Variants in IL17RC observed in about 807,000 individuals in gnomAD.
IL17RC encodes the protein interleukin-17 receptor C.
Under a neutral mutation model 86.7 loss-of-function variants are expected in IL17RC, and 53 were observed. The ratio of observed to expected loss-of-function variants is 0.61; its 90% CI spans 0.49 to 0.77. The LOEUF is 0.77. Ranked by LOEUF, IL17RC falls within the 30% of genes least tolerant of loss-of-function variation. IL17RC has a pLI of 0.00. For missense variants in IL17RC, 957 were observed against 940.0 expected (o/e 1.02, Z -0.24); for synonymous variants, 439 against 413.1 (o/e 1.06, Z -0.76).
At position 9,929,904 on chromosome 3, in the gene IL17RC, T is replaced by C; in HGVS notation, c.1156+7T>C. ...CAGGAGTGCTTGTGGGCTGGTGAGT[T>C]GGGCCTGGGGGCAGCTGGGGCAGGG... On this transcript the variant is annotated splice_region_variant and intron_variant, in intron 13 of 18. Transcript: ENST00000403601. The C allele has an allele frequency of 6.2e-7, 1 of 1,614,054 alleles. No individual in the cohort carries two copies. The highest frequency in any genetic ancestry group is 1.1e-5 in the South Asian group (1 of 91,080).
rs111686823 is a variant in IL17RC, at chr3:9,923,549, C to CA, written c.623-320dup. 4.1e-3 allele frequency among the ~76,000 whole-genome samples: 553 copies of CA among 135,296 alleles called. 1 individual carries two copies. Among genetic ancestry groups the CA allele is most frequent in the East Asian group, 0.02 (96 of 4,788 alleles). 88.8% of individuals were successfully genotyped at this position (135,296 alleles called of 152,430 possible). A position where few individuals can be genotyped will look rare whatever the true frequency, so the allele number is the denominator to read the frequency against. On this transcript the variant is annotated intron_variant, in intron 7 of 18. Transcript: ENST00000403601. ...TGGGCAACAGAGCAAGACTCCCTCT[C>CA]AAAAAAAAAAAAGGACACAAGTATC... is the stretch of plus-strand genomic sequence containing the variant.
chr3:9,933,395 G>T lies in IL17RC; in HGVS notation c.1965G>T (p.Leu655=). 6.2e-7 allele frequency: 1 copy of T among 1,613,186 alleles called. No homozygotes were observed. Among genetic ancestry groups the T allele is most frequent in the Non-Finnish European group, 8.5e-7 (1 of 1,179,770 alleles). Reference sequence around the variant, plus strand: ...TCCGCACCGTGCCCGTCTTCACACTGCCCTCCCAACTGCCAGACTTCCTGG... The same window carrying T: ...TCCGCACCGTGCCCGTCTTCACACTTCCCTCCCAACTGCCAGACTTCCTGG... The part of the protein sequence containing the change: ...ALFRTVPVFT[L]PSQLPDFLGA... The change falls in exon 19 of 19, where the codon CTG becomes CTT. Residue 655 remains leucine, a synonymous_variant. Coordinates refer to ENST00000403601, the MANE Select transcript of IL17RC (RefSeq NM_153460.4).
chr3:9,920,527 G>A lies in IL17RC; in HGVS notation c.502G>A (p.Gly168Arg). 1 of 1,607,340 alleles carries A rather than the reference G, an allele frequency of 6.2e-7. No homozygotes were observed. Among genetic ancestry groups the A allele is most frequent in the Non-Finnish European group, 8.5e-7 (1 of 1,176,268 alleles). ...ATATGACTGCTTCGAGGCTGCCCTA[G>A]GGAGTGAGGTACGAATCTGGTCCTA... ...VVYDCFEAAL[G>R]SEVRIWSYTQ... Residue 168 changes from glycine (G) to arginine (R), a missense_variant, in exon 6 of 19, where the codon GGG (glycine) becomes AGG (arginine). Coordinates refer to ENST00000403601, the MANE Select transcript of IL17RC (RefSeq NM_153460.4).
intron 16 of IL17RC, among the ~76,000 whole-genome samples, chr3:9,931,754 G>A (rs577305083): frequency 8.3e-4 from 125 of 151,222 alleles, no homozygotes; most frequent in African/African-American, 2.7e-3. Context: ...ATCCGCCCGC[G>A]TCGGCCTCCC....
chr3:9,927,906 A>G (rs1286192427), intron 9 of IL17RC, among the ~76,000 whole-genome samples: 3 of 151,742 alleles, frequency 2.0e-5, no homozygotes, highest in Non-Finnish European at 4.4e-5. Context: ...CCAAGATTGC[A>G]CCACTGCACT....
chr3:9,919,107 A>T (rs993598362), intron 5 of IL17RC: 1 of 152,586 alleles, frequency 6.6e-6, no homozygotes, highest in African/African-American at 2.4e-5. Flanking sequence ...GGCCTTGCTA[A>T]TCTTTTCTGT....
chr3:9,921,917 G>A (rs1470768726), intron 7 of IL17RC, among the ~76,000 whole-genome samples: 5 of 140,744 alleles, frequency 3.6e-5, no homozygotes, highest in East Asian at 2.1e-4. Flanking sequence ...GAGCCACCAC[G>A]CCCAGCCAAA....
intron 16 of IL17RC, 149 bp from the exon 17 acceptor site, chr3:9,932,459 C>T: frequency 1.3e-6 from 1 of 755,592 alleles, no homozygotes; most frequent in South Asian, 1.4e-5. Flanking sequence ...ATGTCCTGAC[C>T]TCGTGATCTG....
Position 9,928,324 on chromosome 3 carries a change from C to T in IL17RC, c.897C>T (p.Asn299=), listed in dbSNP as rs1408697978. 2 of 1,604,684 alleles carry T rather than the reference C, an allele frequency of 1.2e-6. No homozygotes were observed. Among genetic ancestry groups the T allele is most frequent in the South Asian group, 2.2e-5 (2 of 90,472 alleles). Residue 299 remains asparagine, a synonymous_variant, in exon 11 of 19, where the codon AAC becomes AAT. Transcript: ENST00000403601. ...PFREDPRAHQ[N]LWQAARLQLL... ...TTGCAGACCCCCGCGCACACCAGAA[C>T]CTCTGGCAAGCCGCCCGACTGCAAC...
intron 16 of IL17RC, 116 bp downstream of exon 16, chr3:9,931,059 A>C: frequency 1.2e-6 from 1 of 845,888 alleles, no homozygotes; most frequent in Non-Finnish European, 2.1e-6. Flanking sequence ...TCAGATAAAC[A>C]GAGGGTCATT....
In IL17RC at chr3:9,933,344, C is replaced by T; in HGVS notation, c.1914C>T (p.Leu638=). ...SYVGACFDRL[L]HPDAVPALFR... ...TGGGGGCCTGCTTCGACAGGCTGCT[C>T]CACCCGGACGCCGTACCCGCCCTTT... is the stretch of plus-strand genomic sequence containing the variant. Residue 638 remains leucine (L), a synonymous_variant, in exon 19 of 19, where the codon CTC becomes CTT. Transcript: ENST00000403601. 6.2e-7 allele frequency: 1 copy of T among 1,610,636 alleles called. No individual in the cohort carries two copies. Among genetic ancestry groups the T allele is most frequent in the Non-Finnish European group, 8.5e-7 (1 of 1,178,800 alleles).
chr3:9,926,312 G>A (rs1432995467), intron 9 of IL17RC, among the ~76,000 whole-genome samples: 2 of 152,126 alleles, frequency 1.3e-5, no homozygotes, highest in East Asian at 1.9e-4. Flanking sequence ...GATTACAGGC[G>A]TGAGCCACTG....
At chr3:9,924,715 A>G (rs537593862) in intron 9 of IL17RC, among the ~76,000 whole-genome samples, 12 of 152,350 alleles carry the variant, frequency 7.9e-5, no homozygotes, top group African/African-American at 2.9e-4. Context: ...TAAAATGGGA[A>G]TAATAATAGT....
At position 9,930,148 on chromosome 3, in the gene IL17RC, C is replaced by T. The variant is rs747269828; in HGVS notation, c.1277C>T (p.Thr426Met). The change falls in exon 14 of 19, where the codon ACG (threonine) becomes ATG (methionine). Residue 426 changes from threonine (T) to methionine (M), a missense_variant and splice_region_variant. Transcript: ENST00000403601. This position sits in a 1 kb window ranked among gnomAD's most constrained non-coding sequence, Gnocchi z 5.8. ...ACTTCACTACCCAGCAAAGCCTCCA[C>T]GGTTAGGACTGGGCGACCCTCCTCC... Reference protein sequence around the residue: ...GCTSLPSKASTRAARLGEYLL... With the variant: ...GCTSLPSKASMRAARLGEYLL... The T allele has an allele frequency of 9.3e-6, 15 of 1,613,940 alleles. No individual in the cohort carries two copies. The highest frequency in any genetic ancestry group is 2.7e-5 in the African/African-American group (2 of 75,030).
At chr3:9,917,775 C>T (rs770286434) in intron 2 of IL17RC, 41 bp downstream of exon 2, 8 of 1,613,008 alleles carry the variant, frequency 5.0e-6, no homozygotes, top group Non-Finnish European at 5.1e-6. Context: ...CCAGGTTGGC[C>T]GAAGGGAGCA....
At position 9,930,504 on chromosome 3, in the gene IL17RC, C is replaced by T; in HGVS notation, c.1338+45C>T. 1 of 1,582,656 alleles carries T rather than the reference C, an allele frequency of 6.3e-7. No homozygotes were observed. Among genetic ancestry groups the T allele is most frequent in the South Asian group, 1.1e-5 (1 of 90,102 alleles). ...GCCCCACCTCAATGCCTAGGGGCAA[C>T]AGGCCTAAAACTAGCACTCACCTAC... On this transcript the variant is annotated intron_variant, in intron 15 of 18. Transcript: ENST00000403601. This position sits in a 1 kb window ranked among gnomAD's most constrained non-coding sequence, Gnocchi z 5.8.
intron 12 of IL17RC, chr3:9,929,434 T>C (rs1325594229): frequency 9.6e-6 from 2 of 209,018 alleles, no homozygotes; most frequent in African/African-American, 4.6e-5. Context: ...ATAGAACTTA[T>C]ATTGTAATGG....
rs200968996 is a variant in IL17RC, at chr3:9,928,124, G to A, written c.823-42G>A. On this transcript the variant is annotated intron_variant, in intron 9 of 18. Coordinates refer to ENST00000403601, the MANE Select transcript of IL17RC (RefSeq NM_153460.4). ...CTGTCCAGCAGAGGGCCAGGCACAT[G>A]CCCATGGAGGGGACCTGAGCAGACC... The A allele has an allele frequency of 3.0e-5, 48 of 1,598,576 alleles. No homozygotes were observed. In the East Asian group the frequency reaches 3.1e-4, roughly 10 times the overall value.
At chr3:9,922,947 T>A (rs192364905) in intron 7 of IL17RC, among the ~76,000 whole-genome samples, 2,220 of 146,086 alleles carry the variant, frequency 0.015, 45 homozygotes, top group African/African-American at 0.053. Flanking sequence ...AGGCCGAGGC[T>A]GGCGGATCAC....
Sources: gnomAD v4.1 joint callset for allele counts (sites outside exome capture counted in the v4.1 genomes callset) on GRCh38, gnomAD v4.1.1 for gene constraint, Gnocchi (gnomAD v3.1) non-coding constraint, MANE v1.5 for transcripts, NCBI Gene and HGNC (gene_info 2026-07-23, HGNC 2026-07-21) for gene names.